Variants in FRMPD4 observed in about 807,000 individuals in gnomAD.
FRMPD4 encodes the protein FERM and PDZ domain containing 4.
In FRMPD4, 22 loss-of-function variants were observed where a neutral mutation model predicts 94.1. The ratio of observed to expected loss-of-function variants is 0.23; its 90% CI spans 0.17 to 0.33. The LOEUF (loss-of-function observed/expected upper bound fraction) is 0.33. Among genes scored for constraint, FRMPD4 ranks in the 10% least tolerant of loss-of-function variants. FRMPD4 has a pLI of 1.00. For synonymous variants in FRMPD4, 631 were observed against 548.6 expected (o/e 1.15, Z -2.10); for missense variants, 1,111 against 1,339.9 (o/e 0.83, Z 2.67).
In FRMPD4 at chrX:12,403,888, T is replaced by C. The variant is rs920844386; in HGVS notation, c.42-94792T>C. Among the ~76,000 whole-genome samples the C allele has an allele frequency of 4.5e-5, 5 of 111,973 alleles. No individual in the cohort carries two copies. The East Asian group carries it at 1.4e-3, about 32-fold the overall frequency. Reference sequence around the variant, plus strand: ...CCCATTCTTGGCTGTGTTTCCCTGCTGAGTTCTACATTAGTGACTCAGATA... The same window carrying C: ...CCCATTCTTGGCTGTGTTTCCCTGCCGAGTTCTACATTAGTGACTCAGATA... On this transcript the variant is annotated intron_variant, in intron 1 of 16. Coordinates refer to ENST00000675598, the MANE Select transcript of FRMPD4 (RefSeq NM_001368397.1).
At chrX:12,398,293 A>G (rs1315237456) in intron 1 of FRMPD4, among the ~76,000 whole-genome samples, 1 of 112,290 alleles carries the variant, frequency 8.9e-6, no homozygotes, top group African/African-American at 3.2e-5. Flanking sequence ...AATTAAAAAC[A>G]TAGTTCTCGA....
chrX:12,032,136 G>A (rs190939730), intron 3 of FRMPD4, among the ~76,000 whole-genome samples: 2 of 112,022 alleles, frequency 1.8e-5, no homozygotes, highest in African/African-American at 6.5e-5. Context: ...CAACAGGCAG[G>A]GGAGAATCTG....
chrX:12,544,709 ACAAT>A (rs2058455913), intron 2 of FRMPD4, among the ~76,000 whole-genome samples: 2 of 111,312 alleles, frequency 1.8e-5, no homozygotes, highest in Non-Finnish European at 3.8e-5. Context: ...CAGGTTTTGA[ACAAT>A]CAGTGATTTC....
chrX:11,994,384 T>C (rs985959962), intron 3 of FRMPD4, among the ~76,000 whole-genome samples: 23 of 111,778 alleles, frequency 2.1e-4, no homozygotes, highest in Admixed American at 2.8e-4. Context: ...CCTTTGGCTC[T>C]AGTACAGACC....
intron 1 of FRMPD4, among the ~76,000 whole-genome samples, chrX:11,844,183 G>A (rs1289551872): frequency 9.7e-6 from 1 of 103,350 alleles, no homozygotes; most frequent in Non-Finnish European, 2.0e-5. Flanking sequence ...TTTTACTGGA[G>A]ACGAGTTTTC....
At chrX:12,295,162 A>G (rs139364287) in intron 1 of FRMPD4, among the ~76,000 whole-genome samples, 200 of 112,258 alleles carry the variant, frequency 1.8e-3, no homozygotes, top group Admixed American at 4.0e-3. Context: ...AGACCTCTCA[A>G]GTCATCTGGA....
chrX:12,043,210 T>C (rs945078767), intron 3 of FRMPD4, among the ~76,000 whole-genome samples: 4 of 111,996 alleles, frequency 3.6e-5, no homozygotes. Context: ...CTGTCATACA[T>C]TGAAAGCCCT....
intron 3 of FRMPD4, among the ~76,000 whole-genome samples, chrX:12,113,085 C>T (rs2055380186): frequency 8.9e-6 from 1 of 111,948 alleles, no homozygotes; most frequent in African/African-American, 3.3e-5. Context: ...AAATCTCCAC[C>T]CATTAAGGAC....
chrX:11,916,475 G>C (rs1045812595), intron 3 of FRMPD4, among the ~76,000 whole-genome samples: 7 of 111,269 alleles, frequency 6.3e-5, no homozygotes, highest in African/African-American at 2.3e-4. Flanking sequence ...CTCAGGCTGA[G>C]AGAGTGTGGA....
In FRMPD4 at chrX:12,549,683, G is replaced by A. The variant is rs186733839; in HGVS notation, c.158+50887G>A. On this transcript the variant is annotated intron_variant, in intron 2 of 16. Transcript: ENST00000675598. Reference sequence around the variant, plus strand: ...AATGGGCTTCATGCTGCTGTTAGCGGCAGTATCCAGGCACCAATAGACCAG... The same window carrying A: ...AATGGGCTTCATGCTGCTGTTAGCGACAGTATCCAGGCACCAATAGACCAG... Among the ~76,000 whole-genome samples, 121 of 112,101 alleles carry A rather than the reference G, an allele frequency of 1.1e-3. 1 individual carries two copies. The highest frequency in any genetic ancestry group is 3.7e-3 in the African/African-American group (115 of 30,938).
chrX:12,460,438 C>T (rs1389403349), intron 1 of FRMPD4, among the ~76,000 whole-genome samples: 2 of 111,437 alleles, frequency 1.8e-5, no homozygotes, highest in Non-Finnish European at 3.8e-5. Flanking sequence ...AATTTTTGTC[C>T]ATAGTGAGTC....
chrX:12,626,972 G>A (rs1039691327), intron 4 of FRMPD4, among the ~76,000 whole-genome samples: 3 of 111,138 alleles, frequency 2.7e-5, no homozygotes, highest in African/African-American at 6.5e-5. Flanking sequence ...CCATGATGCT[G>A]CTTAGTAAAA....
chrX:12,399,370 T>C (rs1287898091), intron 1 of FRMPD4, among the ~76,000 whole-genome samples: 1 of 111,562 alleles, frequency 9.0e-6, no homozygotes. Flanking sequence ...GGTGTGGATA[T>C]AGAGATAGAG....
chrX:11,858,500 G>T (rs2053666068), intron 1 of FRMPD4, among the ~76,000 whole-genome samples: 1 of 111,211 alleles, frequency 9.0e-6, no homozygotes, highest in African/African-American at 3.3e-5. Flanking sequence ...GGAGCTAAAT[G>T]ATGAGAACAC....
chrX:12,354,982 G>GT (rs1477379565), intron 1 of FRMPD4, among the ~76,000 whole-genome samples: 1 of 111,797 alleles, frequency 8.9e-6, no homozygotes, highest in Non-Finnish European at 1.9e-5. Flanking sequence ...TCTAAGTTTG[G>GT]TTTTTCCTTG....
intron 1 of FRMPD4, among the ~76,000 whole-genome samples, chrX:12,220,739 T>C (rs1227708369): frequency 8.9e-6 from 1 of 112,477 alleles, no homozygotes; most frequent in Non-Finnish European, 1.9e-5. Flanking sequence ...ATGGTCCAAA[T>C]AATGATACTT....
intron 1 of FRMPD4, among the ~76,000 whole-genome samples, chrX:12,158,263 T>C (rs140436502): frequency 0.03 from 3,358 of 111,661 alleles, 41 homozygotes; most frequent in Non-Finnish European, 0.045. Context: ...CCAGTAGTTG[T>C]AAACATCCTA....
chrX:12,274,480 A>G (rs1488867315), intron 1 of FRMPD4, among the ~76,000 whole-genome samples: 1 of 112,697 alleles, frequency 8.9e-6, no homozygotes, highest in Non-Finnish European at 1.9e-5. Flanking sequence ...AATAAAGCAA[A>G]GAAACAACAT....
intron 1 of FRMPD4, among the ~76,000 whole-genome samples, chrX:11,847,798 C>CTT (rs1192486892): frequency 6.0e-5 from 6 of 99,883 alleles, no homozygotes; most frequent in East Asian, 3.2e-4. Context: ...AACCAAACAC[C>CTT]GCATGTTCTC....
Sources: gnomAD v4.1 joint callset for allele counts (sites outside exome capture counted in the v4.1 genomes callset) on GRCh38, gnomAD v4.1.1 for gene constraint, MANE v1.5 for transcripts, NCBI Gene and HGNC (gene_info 2026-07-23, HGNC 2026-07-21) for gene names.